The following OPN3 variants were observed in gnomAD, a reference collection of about 807,000 sequenced individuals.
The protein encoded by OPN3 is opsin-3.
Under a neutral mutation model 33.8 loss-of-function variants are expected in OPN3, and 29 were observed. The ratio of observed to expected loss-of-function variants is 0.86; its 90% CI spans 0.64 to 1.17. The LOEUF is 1.17. Among genes scored for constraint, OPN3 ranks in the 50% most tolerant of loss-of-function variants. OPN3 has a pLI of 0.00. For synonymous variants in OPN3, 216 were observed against 216.1 expected (o/e 1.00, Z 0.00); for missense variants, 437 against 514.1 (o/e 0.85, Z 1.45).
chr1:241,607,666 GAAAA>G (rs1663874445), intron 1 of OPN3, among the ~76,000 whole-genome samples: 1 of 141,290 alleles, frequency 7.1e-6, no homozygotes, highest in Non-Finnish European at 1.5e-5. Context: ...AAGAAAGAAA[GAAAA>G]AGGAAGAAAG....
chr1:241,594,730 G>T, intron 3 of OPN3, 39 bp from the exon 4 acceptor site: 1 of 1,594,900 alleles, frequency 6.3e-7, no homozygotes, highest in Non-Finnish European at 8.5e-7. Flanking sequence ...TTAAGTAAAA[G>T]TTGGGCACTA....
intron 1 of OPN3, among the ~76,000 whole-genome samples, chr1:241,623,536 T>C (rs1343581142): frequency 1.3e-5 from 2 of 152,200 alleles, no homozygotes; most frequent in African/African-American, 4.8e-5. Context: ...TACAAAGCCC[T>C]CCAAGACCTT....
chr1:241,599,546 T>A (rs1663625590), intron 2 of OPN3, among the ~76,000 whole-genome samples: 1 of 152,172 alleles, frequency 6.6e-6, no homozygotes, highest in Non-Finnish European at 1.5e-5. Flanking sequence ...ACCAACCGAA[T>A]ACTACTATTC....
intron 2 of OPN3, among the ~76,000 whole-genome samples, chr1:241,602,625 CAG>C (rs1663705761): frequency 6.6e-6 from 1 of 151,772 alleles, no homozygotes; most frequent in African/African-American, 2.4e-5. Context: ...CGTGGGAAGA[CAG>C]AAAGAGAGAC....
Position 241,594,624 on chromosome 1 carries a change from A to G in OPN3, c.1013T>C (p.Leu338Pro), listed in dbSNP as rs775386951. Residue 338 changes from leucine (L) to proline (P), a missense_variant, in exon 4 of 4, where the codon CTA (leucine) becomes CCA (proline). Physicochemically the swap from Leu to Pro is moderately conservative, Grantham distance 98. Transcript: ENST00000366554. ...LLRCQRPAKD[L>P]PAAGSEMQIR... ...CTGCATTTCACTTCCAGCTGCTGGTAGGTCTTTAGCAGGCCTCTGGCACCT... is the reference window on the plus strand; with the variant it reads ...CTGCATTTCACTTCCAGCTGCTGGTGGGTCTTTAGCAGGCCTCTGGCACCT... 1 of 1,614,134 alleles carries G rather than the reference A, an allele frequency of 6.2e-7. No individual in the cohort carries two copies. Among genetic ancestry groups the G allele is most frequent in the Non-Finnish European group, 8.5e-7 (1 of 1,179,978 alleles).
intron 3 of OPN3, among the ~76,000 whole-genome samples, chr1:241,596,231 T>C (rs551276900): frequency 6.6e-6 from 1 of 152,234 alleles, no homozygotes; most frequent in Non-Finnish European, 1.5e-5. Context: ...GAGAGGGTGG[T>C]CCCTAAAATA....
intron 3 of OPN3, among the ~76,000 whole-genome samples, chr1:241,596,797 C>T (rs2147994947): frequency 6.6e-6 from 1 of 152,240 alleles, no homozygotes; most frequent in South Asian, 2.1e-4. Context: ...CAAGTCAAAA[C>T]CTTTCAACTA....
At chr1:241,614,647 TC>T (rs1664074809) in intron 1 of OPN3, among the ~76,000 whole-genome samples, 1 of 152,230 alleles carries the variant, frequency 6.6e-6, no homozygotes, top group South Asian at 2.1e-4. Flanking sequence ...CTCCCCTTGT[TC>T]TCTGACCATT....
chr1:241,600,309 T>C (rs1009745078), intron 2 of OPN3: 9 of 152,238 alleles, frequency 5.9e-5, no homozygotes, highest in African/African-American at 1.9e-4. Context: ...CCTCTTTCTT[T>C]CATTACTTTC....
intron 1 of OPN3, among the ~76,000 whole-genome samples, chr1:241,617,278 A>G (rs1416939930): frequency 1.3e-5 from 2 of 152,230 alleles, no homozygotes; most frequent in African/African-American, 4.8e-5. Context: ...GATTACACAA[A>G]GCAAGTTGTT....
intron 1 of OPN3, among the ~76,000 whole-genome samples, chr1:241,605,187 G>T (rs1663794811): frequency 6.6e-6 from 1 of 152,074 alleles, no homozygotes; most frequent in South Asian, 2.1e-4. Context: ...TTCTCCTGAA[G>T]AGAAATTCCA....
chr1:241,624,318 T>C (rs12082795), intron 1 of OPN3, among the ~76,000 whole-genome samples: 1 of 151,598 alleles, frequency 6.6e-6, no homozygotes, highest in African/African-American at 2.4e-5. Flanking sequence ...CGATGCCAGG[T>C]CAGGCACTCC....
chr1:241,594,948 C>A (rs982452231), intron 3 of OPN3: 5 of 405,890 alleles, frequency 1.2e-5, no homozygotes, highest in Admixed American at 4.1e-5. Flanking sequence ...TCAATCTGCA[C>A]ACACTTTCTA....
At chr1:241,616,294 T>C (rs544690044) in intron 1 of OPN3, among the ~76,000 whole-genome samples, 1 of 152,312 alleles carries the variant, frequency 6.6e-6, no homozygotes, top group African/African-American at 2.4e-5. Context: ...CTTATTACTT[T>C]CACAAAGCCC....
rs956387235 is a variant in OPN3 at position 241,594,110 on chromosome 1, G to A, written c.*318C>T. On this transcript the variant is annotated 3_prime_UTR_variant, in exon 4 of 4. Coordinates refer to ENST00000366554, the MANE Select transcript of OPN3 (RefSeq NM_014322.3). ...GGTATTTTCGAGAAAAATGCATTACGTGTTTTGGAAAATAGAGTAATTTAA... is the reference window on the plus strand; with the variant it reads ...GGTATTTTCGAGAAAAATGCATTACATGTTTTGGAAAATAGAGTAATTTAA... 22 of 274,926 alleles carry A rather than the reference G, an allele frequency of 8.0e-5. No homozygotes were observed. Among genetic ancestry groups the A allele is most frequent in the Admixed American group, 6.9e-4 (14 of 20,382 alleles). The allele number at this position is 274,926 out of a possible 1,614,324, so 17.0% of individuals were successfully genotyped here. A position where few individuals can be genotyped will look rare whatever the true frequency, so the allele number is the denominator to read the frequency against.
At chr1:241,627,383 C>G (rs903573111) in intron 1 of OPN3, among the ~76,000 whole-genome samples, 3 of 152,292 alleles carry the variant, frequency 2.0e-5, no homozygotes, top group African/African-American at 7.2e-5. Context: ...CAAAGCGAAA[C>G]AGTAGCATTT....
chr1:241,600,180 T>C (rs1422564193), intron 2 of OPN3, among the ~76,000 whole-genome samples: 1 of 152,242 alleles, frequency 6.6e-6, no homozygotes, highest in Non-Finnish European at 1.5e-5. Context: ...AAATAAATGT[T>C]TGTCTATACA....
intron 1 of OPN3, chr1:241,633,528 T>C (rs1664729771): frequency 2.3e-6 from 1 of 431,014 alleles, no homozygotes; most frequent in Non-Finnish European, 4.1e-6. Flanking sequence ...CTTACATATA[T>C]ACCCAATACT....
Position 241,635,126 on chromosome 1 carries a change from C to T in OPN3, c.373+4756G>A, listed in dbSNP as rs779689615. On this transcript the variant is annotated intron_variant, in intron 1 of 3. Transcript: ENST00000366554. ...TATTTGAGAGTAAGTAATCCTATTT[C>T]TAATTGGTTCATCGGCCTTATCTTC... 3 of 1,612,728 alleles carry T rather than the reference C, an allele frequency of 1.9e-6. No homozygotes were observed. The South Asian group carries it at 3.3e-5, about 18-fold the overall frequency.
Sources: gnomAD v4.1 joint callset for allele counts (sites outside exome capture counted in the v4.1 genomes callset) on GRCh38, gnomAD v4.1.1 for gene constraint, MANE v1.5 for transcripts, NCBI Gene and HGNC (gene_info 2026-07-23, HGNC 2026-07-21) for gene names.